Variants in KLRG1 observed in about 807,000 individuals in gnomAD.
The protein encoded by KLRG1 is killer cell lectin-like receptor subfamily G member 1.
Under a neutral mutation model 21.8 loss-of-function variants are expected in KLRG1, and 16 were observed. The ratio of observed to expected loss-of-function variants is 0.73; its 90% CI spans 0.50 to 1.11. The LOEUF (loss-of-function observed/expected upper bound fraction) is 1.11, where lower values mean the gene tolerates loss of function less well. Ranked by LOEUF, KLRG1 falls within the 50% of genes most tolerant of loss-of-function variation. The probability of loss-of-function intolerance (pLI) is 0.00; values close to 1 mark genes in which losing one functional copy is unlikely to be tolerated. For missense variants in KLRG1, 173 were observed against 218.3 expected, an observed-to-expected ratio of 0.79 and a Z score of 1.31; for synonymous variants, 69 against 75.9, an observed-to-expected ratio of 0.91 and a Z score of 0.47.
the KLRG1 span, chr12:9,208,298 A>G: frequency 6.2e-7 from 1 of 1,613,700 alleles, no homozygotes; most frequent in African/African-American, 1.3e-5. Context: ...AAGCAGGATA[A>G]GAAGTAGCAC....
chr12:9,011,275 G>A (rs1947629268), downstream of KLRG1, among the ~76,000 whole-genome samples: 2 of 152,134 alleles, frequency 1.3e-5, no homozygotes, highest in Non-Finnish European at 2.9e-5. Context: ...TACAAGAGAA[G>A]TAACAGTTTA....
At chr12:9,207,342 G>A in the KLRG1 span, among the ~76,000 whole-genome samples, 3 of 152,248 alleles carry the variant, frequency 2.0e-5, no homozygotes, top group South Asian at 4.1e-4. Context: ...TGCTATTATT[G>A]GACCCAAGAG....
chr12:9,168,809 T>G, the KLRG1 span: 4 of 1,287,012 alleles, frequency 3.1e-6, no homozygotes, highest in South Asian at 4.9e-5. Context: ...CATTTTAGCA[T>G]TTTGGGCATA....
At chr12:9,144,149 C>G in the KLRG1 span, among the ~76,000 whole-genome samples, 1 of 151,550 alleles carries the variant, frequency 6.6e-6, no homozygotes, top group Non-Finnish European at 1.5e-5. Context: ...GCCTCTTGAA[C>G]CAGAGCCACA....
chr12:9,115,544 C>A, the KLRG1 span: 1 of 449,202 alleles, frequency 2.2e-6, no homozygotes, highest in East Asian at 3.9e-5. Context: ...ATTTCTGACA[C>A]CCCTTAGGAA....
At chr12:9,081,183 A>G in the KLRG1 span, among the ~76,000 whole-genome samples, 1 of 152,236 alleles carries the variant, frequency 6.6e-6, no homozygotes, top group East Asian at 1.9e-4. Flanking sequence ...ACTACTCAAA[A>G]GACAAATAGC....
chr12:9,203,921 G>C, the KLRG1 span: 4 of 1,613,892 alleles, frequency 2.5e-6, no homozygotes, highest in South Asian at 4.4e-5. Context: ...CCTCAGTGTG[G>C]AGCAGGGAGG....
the KLRG1 span, among the ~76,000 whole-genome samples, chr12:9,017,264 C>CAAAAAAA: frequency 5.6e-5 from 3 of 53,128 alleles, no homozygotes; most frequent in Admixed American, 2.8e-4. Context: ...AACTCCATCT[C>CAAAAAAA]AAAAAAAAAA....
chr12:9,092,510 G>C, the KLRG1 span, among the ~76,000 whole-genome samples: 2 of 152,156 alleles, frequency 1.3e-5, no homozygotes, highest in Non-Finnish European at 2.9e-5. Flanking sequence ...GCATCTGGGA[G>C]TGAAAGGGAG....
chr12:9,120,323 G>A, the KLRG1 span, among the ~76,000 whole-genome samples: 1 of 152,094 alleles, frequency 6.6e-6, no homozygotes, highest in Non-Finnish European at 1.5e-5. Flanking sequence ...AGCAAATACT[G>A]CTAGAAAGCT....
the KLRG1 span, among the ~76,000 whole-genome samples, chr12:9,021,351 A>G: frequency 1.3e-5 from 2 of 152,052 alleles, no homozygotes; most frequent in South Asian, 2.1e-4. Context: ...GCTTACTGTA[A>G]CTTGTTTACT....
At chr12:9,116,329 A>G in the KLRG1 span, 1 of 197,416 alleles carries the variant, frequency 5.1e-6, no homozygotes, top group Non-Finnish European at 1.1e-5. Flanking sequence ...TCCATTAGAT[A>G]TGCCTAACCT....
the KLRG1 span, among the ~76,000 whole-genome samples, chr12:9,195,871 A>G: frequency 3.8e-5 from 3 of 79,414 alleles, no homozygotes. Context: ...TAAAAATATA[A>G]TAATAATAAC....
the KLRG1 span, chr12:9,099,502 G>A: frequency 7.6e-5 from 122 of 1,609,848 alleles, no homozygotes; most frequent in Non-Finnish European, 1.4e-5. Flanking sequence ...CACAGGGATT[G>A]AGATGGAAAA....
At chr12:9,077,821 A>C in the KLRG1 span, 1 of 1,614,150 alleles carries the variant, frequency 6.2e-7, no homozygotes, top group Non-Finnish European at 8.5e-7. Context: ...TGTAGGCTCG[A>C]GCTTGGGCAA....
chr12:8,972,883 G>C (rs1946593797), intron 1 of KLRG1, among the ~76,000 whole-genome samples: 1 of 152,124 alleles, frequency 6.6e-6, no homozygotes, highest in African/African-American at 2.4e-5. Context: ...GCTCACACCT[G>C]TAATCCTAGC....
At chr12:9,203,708 C>T in the KLRG1 span, 2 of 1,570,624 alleles carry the variant, frequency 1.3e-6, no homozygotes, top group Non-Finnish European at 1.7e-6. Context: ...ATCACCATGA[C>T]CTATAGAGCT....
chr12:9,007,456 C>T (rs1947505659), intron 3 of KLRG1, among the ~76,000 whole-genome samples: 1 of 152,062 alleles, frequency 6.6e-6, no homozygotes, highest in Admixed American at 6.5e-5. Flanking sequence ...TTAGTAGAGA[C>T]AGGCTTTTTG....
the KLRG1 span, chr12:9,149,529 T>C: frequency 6.3e-7 from 1 of 1,599,414 alleles, no homozygotes; most frequent in Non-Finnish European, 8.6e-7. Context: ...GTTAATGCCA[T>C]CTAGTACTGG....
Sources: allele counts gnomAD v4.1 joint callset (sites outside exome capture counted in the v4.1 genomes callset), GRCh38; gene constraint gnomAD v4.1.1; transcripts MANE v1.5; gene names NCBI Gene and HGNC (gene_info 2026-07-23, HGNC 2026-07-21).